Variants in PAG1 observed in about 807,000 individuals in gnomAD.
The protein encoded by PAG1 is phosphoprotein associated with glycosphingolipid-enriched microdomains 1.
Under a neutral mutation model 31.7 loss-of-function variants are expected in PAG1, and 23 were observed. The ratio of observed to expected loss-of-function variants is 0.73; its 90% CI spans 0.52 to 1.03. The LOEUF (loss-of-function observed/expected upper bound fraction) is 1.03, where lower values mean the gene tolerates loss of function less well. Among genes scored for constraint, PAG1 ranks in the 50% least tolerant of loss-of-function variants. The pLI is 0.00. For synonymous variants in PAG1, 214 were observed against 210.3 expected, an observed-to-expected ratio of 1.02 and a Z score of -0.15; for missense variants, 473 against 540.7, an observed-to-expected ratio of 0.87 and a Z score of 1.24.
At chr8:81,093,087 A>G (rs1809473747) in intron 1 of PAG1, among the ~76,000 whole-genome samples, 1 of 152,202 alleles carries the variant, frequency 6.6e-6, no homozygotes, top group South Asian at 2.1e-4. Context: ...ACATATACTA[A>G]AAACAACAAC....
chr8:81,020,602 T>C (rs1190663277), intron 3 of PAG1, among the ~76,000 whole-genome samples: 1 of 152,194 alleles, frequency 6.6e-6, no homozygotes, highest in Non-Finnish European at 1.5e-5. Flanking sequence ...CTCCCAGCCA[T>C]GTGGAACTGT....
At chr8:81,004,961 C>T (rs191664447) in intron 3 of PAG1, among the ~76,000 whole-genome samples, 8 of 152,296 alleles carry the variant, frequency 5.3e-5, no homozygotes, top group African/African-American at 1.9e-4. Context: ...CTGTATAGAG[C>T]CTACCTCCCC....
intron 2 of PAG1, among the ~76,000 whole-genome samples, chr8:81,030,580 C>T (rs111464578): frequency 1.4e-4 from 22 of 152,312 alleles, no homozygotes; most frequent in African/African-American, 4.8e-4. Context: ...GCAGCGTGAA[C>T]AGTGTCACCT....
intron 1 of PAG1, among the ~76,000 whole-genome samples, chr8:81,094,490 T>G (rs896185841): frequency 2.0e-5 from 3 of 152,210 alleles, no homozygotes; most frequent in African/African-American, 7.2e-5. Context: ...CAATTTTCTG[T>G]GAGGCCTAAT....
rs1204875622 is a variant in PAG1 at position 80,976,570 on chromosome 8, G to A, written c.1273C>T (p.Gln425Ter). ...TAGAGCCTGGTAATATCTCTGCCTT[G>A]CTGCAAGTCACTTATGCTCTCGTAG... ...NDYESISDLQ[Q>*]GRDITRL Residue 425 changes from glutamine to a stop codon, truncating the protein, a stop_gained, in exon 9 of 9, where the codon CAA becomes TAA. Coordinates refer to ENST00000220597, the MANE Select transcript of PAG1 (RefSeq NM_018440.4). LOFTEE classifies it high-confidence loss of function. 1 of 1,613,118 alleles carries A rather than the reference G, an allele frequency of 6.2e-7. No individual in the cohort carries two copies. The highest frequency in any genetic ancestry group is 8.5e-7 in the Non-Finnish European group (1 of 1,179,754).
rs1586150378 is a variant in PAG1, at chr8:80,992,997, C to CGGCT, written c.125+102_125+105dup. ...AAAGCTAATGCACAAGTTTCTGGGA[C>CGGCT]GGCTCTGTGGCGGGATTCCATTCCT... On this transcript the variant is annotated intron_variant, in intron 4 of 8. Transcript: ENST00000220597. 6.3e-6 allele frequency: 6 copies of CGGCT among 951,162 alleles called. No homozygotes were observed. In the East Asian group the frequency reaches 1.3e-4, roughly 21 times the overall value. 58.9% of individuals were successfully genotyped at this position (951,162 alleles called of 1,614,324 possible).
chr8:81,066,709 A>C (rs867947735), intron 2 of PAG1, among the ~76,000 whole-genome samples: 7 of 152,334 alleles, frequency 4.6e-5, no homozygotes, highest in Middle Eastern at 3.4e-3. Context: ...AAAGTAGCTT[A>C]GTTGATATTT....
rs531712661 is a variant in PAG1, at chr8:80,992,083, C to T, written c.126-553G>A. ...AGAAAGCCATCAGTTGTAGAGAATA[C>T]GCCGCCCATCCACGTTCTCTATAAA... On this transcript the variant is annotated intron_variant, in intron 4 of 8. Transcript: ENST00000220597. Among the ~76,000 whole-genome samples, 6 of 152,290 alleles carry T rather than the reference C, an allele frequency of 3.9e-5. No homozygotes were observed. In the South Asian group the frequency reaches 1.0e-3, roughly 26 times the overall value.
At chr8:81,108,877 A>C (rs1809732928) in intron 1 of PAG1, among the ~76,000 whole-genome samples, 1 of 152,206 alleles carries the variant, frequency 6.6e-6, no homozygotes, top group Non-Finnish European at 1.5e-5. Flanking sequence ...GTTTAATATG[A>C]GGCAAAGTGC....
At chr8:81,085,969 C>A (rs1563425282) in intron 1 of PAG1, among the ~76,000 whole-genome samples, 1 of 79,040 alleles carries the variant, frequency 1.3e-5, no homozygotes, top group Non-Finnish European at 2.3e-5. Flanking sequence ...TTTAATCTGG[C>A]TTGTTTTTTT....
chr8:80,984,750 GAC>G, intron 7 of PAG1, 24 bp downstream of exon 7: 1 of 1,586,092 alleles, frequency 6.3e-7, no homozygotes, highest in Non-Finnish European at 8.6e-7. Flanking sequence ...AACCCACAAA[GAC>G]AAAACAAAAA....
intron 1 of PAG1, among the ~76,000 whole-genome samples, chr8:81,097,362 T>C (rs534721177): frequency 6.6e-6 from 1 of 152,286 alleles, no homozygotes; most frequent in African/African-American, 2.4e-5. Flanking sequence ...GGTTGTCAGC[T>C]TCTTAACAAC....
At chr8:81,084,835 C>G (rs183820717) in intron 1 of PAG1, among the ~76,000 whole-genome samples, 2 of 152,124 alleles carry the variant, frequency 1.3e-5, no homozygotes, top group Admixed American at 6.5e-5. Context: ...TTTAACCAAC[C>G]CTTTATTATA....
intron 2 of PAG1, among the ~76,000 whole-genome samples, chr8:81,051,551 G>A (rs1808728442): frequency 6.6e-6 from 1 of 152,142 alleles, no homozygotes; most frequent in Admixed American, 6.5e-5. Context: ...TCAGTCATTA[G>A]GACGACTGAA....
At chr8:81,075,254 T>G (rs1809158082) in intron 1 of PAG1, among the ~76,000 whole-genome samples, 1 of 152,254 alleles carries the variant, frequency 6.6e-6, no homozygotes, top group Non-Finnish European at 1.5e-5. Context: ...GTCAGGGTTT[T>G]GTATCTTCTA....
chr8:81,092,189 C>CAAAAAAAAAA (rs58417714), intron 1 of PAG1, among the ~76,000 whole-genome samples: 1 of 71,402 alleles, frequency 1.4e-5, no homozygotes, highest in Non-Finnish European at 2.6e-5. Flanking sequence ...CACATCTCTG[C>CAAAAAAAAAA]AAAAAAAAAA....
At chr8:81,061,024 T>G (rs4574807) in intron 2 of PAG1, among the ~76,000 whole-genome samples, 88,792 of 152,096 alleles carry the variant, frequency 0.58, 26,839 homozygotes, top group East Asian at 0.86. Flanking sequence ...TTGCATAAAT[T>G]AAGTAGACTT....
intron 3 of PAG1, among the ~76,000 whole-genome samples, chr8:81,021,888 C>T (rs1183925430): frequency 2.0e-5 from 3 of 152,080 alleles, no homozygotes; most frequent in Non-Finnish European, 4.4e-5. Flanking sequence ...AGCATGGTAA[C>T]GCAGAAGAAA....
At position 80,976,368 on chromosome 8, in the gene PAG1, G is replaced by A. The variant is rs1180029092; in HGVS notation, c.*176C>T. ...GGCACACTCAGGTGCAGCCTAGTCC[G>A]TACCTCTCTGTCTCAGAAACTGAAC... is the stretch of plus-strand genomic sequence containing the variant. On this transcript the variant is annotated 3_prime_UTR_variant, in exon 9 of 9. Transcript: ENST00000220597. The A allele has an allele frequency of 6.2e-6, 4 of 642,184 alleles. No homozygotes were observed. Among genetic ancestry groups the A allele is most frequent in the Admixed American group, 3.0e-5 (1 of 33,038 alleles). The allele number at this position is 642,184 out of a possible 1,614,324, so 39.8% of individuals were successfully genotyped here. A position where few individuals can be genotyped will look rare whatever the true frequency, so the allele number is the denominator to read the frequency against.
Sources: gnomAD v4.1 joint callset for allele counts (sites outside exome capture counted in the v4.1 genomes callset) on GRCh38, gnomAD v4.1.1 for gene constraint, MANE v1.5 for transcripts, NCBI Gene and HGNC (gene_info 2026-07-23, HGNC 2026-07-21) for gene names.